The following SLC6A17 variants were observed in gnomAD, a reference collection of about 807,000 sequenced individuals.
The protein encoded by SLC6A17 is solute carrier family 6 member 17.
SLC6A17 carries 21 observed loss-of-function variants against 64.5 expected under a neutral mutation model. That is an observed-to-expected ratio of 0.33 (90% confidence interval 0.23 to 0.47). The LOEUF (loss-of-function observed/expected upper bound fraction) is 0.47. Ranked by LOEUF, SLC6A17 falls within the 20% of genes least tolerant of loss-of-function variation. SLC6A17 has a pLI of 1.00. For synonymous variants in SLC6A17, 372 were observed against 399.5 expected (o/e 0.93, Z 0.82); for missense variants, 682 against 963.2 (o/e 0.71, Z 3.86).
At chr1:110,173,278 C>T (rs776997734) in intron 3 of SLC6A17, among the ~76,000 whole-genome samples, 2 of 152,316 alleles carry the variant, frequency 1.3e-5, no homozygotes, top group African/African-American at 2.4e-5. Flanking sequence ...CTCACACTGG[C>T]GCCAGTCTCA....
At position 110,198,443 on chromosome 1, in the gene SLC6A17, G is replaced by T; in HGVS notation, c.2183G>T (p.Ter728LeuextTer25). Residue 728 changes from the stop codon to leucine, a stop_lost, in exon 12 of 12, where the codon TGA (stop) becomes TTA (leucine). Coordinates refer to ENST00000331565, the MANE Select transcript of SLC6A17 (RefSeq NM_001010898.4). ...LLASTPESEL[*>L] is the part of the protein sequence containing the mutation. ...GCCAGCACCCCTGAGTCGGAGCTGT[G>T]ACCACTGCCCAAGCCCTGCCCGCCT... 2 of 1,602,660 alleles carry T rather than the reference G, an allele frequency of 1.2e-6. No individual in the cohort carries two copies. Among genetic ancestry groups the T allele is most frequent in the South Asian group, 1.1e-5 (1 of 89,442 alleles).
Position 110,188,167 on chromosome 1 carries a change from T to C in SLC6A17, c.865-3805T>C, listed in dbSNP as rs143543023. Among the ~76,000 whole-genome samples, 266 of 152,336 alleles carry C rather than the reference T, an allele frequency of 1.7e-3. 1 individual carries two copies. Among genetic ancestry groups the C allele is most frequent in the African/African-American group, 5.9e-3 (245 of 41,584 alleles). ...CTGCTGGGGGTGATATGTAATTAAG[T>C]AGCATATGCATCACATTACCTTTCT... On this transcript the variant is annotated intron_variant, in intron 6 of 11. Transcript: ENST00000331565.
chr1:110,169,156 A>G (rs1466183464), intron 2 of SLC6A17, among the ~76,000 whole-genome samples: 1 of 152,224 alleles, frequency 6.6e-6, no homozygotes, highest in African/African-American at 2.4e-5. Flanking sequence ...TTTGAGCCAT[A>G]GTCGATGTAA....
At chr1:110,189,138 C>A (rs1345994819) in intron 6 of SLC6A17, among the ~76,000 whole-genome samples, 1 of 152,238 alleles carries the variant, frequency 6.6e-6, no homozygotes, top group Non-Finnish European at 1.5e-5. Context: ...GCCAGCACAC[C>A]TGCTACTCAG....
At chr1:110,179,986 G>C (rs1437552492) in intron 6 of SLC6A17, among the ~76,000 whole-genome samples, 1 of 152,158 alleles carries the variant, frequency 6.6e-6, no homozygotes, top group Non-Finnish European at 1.5e-5. Context: ...GGTGGCGTGT[G>C]CCTGTAATTT....
Position 110,198,491 on chromosome 1 carries a change from C to T in SLC6A17, c.*47C>T. On this transcript the variant is annotated 3_prime_UTR_variant, in exon 12 of 12. Coordinates refer to ENST00000331565, the MANE Select transcript of SLC6A17 (RefSeq NM_001010898.4). The stretch of plus-strand genomic sequence containing the variant: ...CCTCTCCCCCCACGCTCAACCTGCC[C>T]ACTTGTCCAGGCCTGGCCTCTTTCT... 1.3e-6 allele frequency: 2 copies of T among 1,567,478 alleles called. No individual in the cohort carries two copies. The highest frequency in any genetic ancestry group is 2.2e-5 in the East Asian group (1 of 44,524).
At chr1:110,173,910 G>A in intron 3 of SLC6A17, 63 bp from the exon 4 acceptor site, 17 of 1,532,624 alleles carry the variant, frequency 1.1e-5, no homozygotes, top group Admixed American at 7.7e-5. Flanking sequence ...GCCTCGGGTG[G>A]AGCGTGGGGG....
Position 110,172,226 on chromosome 1 carries a change from A to G in SLC6A17, c.444+9A>G. 6.4e-7 allele frequency: 1 copy of G among 1,573,280 alleles called. No homozygotes were observed. The highest frequency in any genetic ancestry group is 8.6e-7 in the Non-Finnish European group (1 of 1,161,398). ...GCTTCTCCAGCTGCATAGTGAGTCA[A>G]GGGCTGGGGCAGGCACTGAGTGGGA... On this transcript the variant is annotated intron_variant, in intron 3 of 11. Transcript: ENST00000331565.
Position 110,198,159 on chromosome 1 carries a change from T to C in SLC6A17, c.1899T>C (p.Pro633=). Residue 633 remains proline (P), a synonymous_variant, in exon 12 of 12, where the codon CCT becomes CCC. Transcript: ENST00000331565. The part of the protein sequence containing the change: ...TLIVVATLPI[P]VVFVLRHFHL... The stretch of plus-strand genomic sequence containing the variant: ...TCGTCGTGGCGACGCTGCCCATCCC[T>C]GTGGTGTTCGTCCTGCGGCACTTCC... 8 of 1,614,076 alleles carry C rather than the reference T, an allele frequency of 5.0e-6. No homozygotes were observed. Among genetic ancestry groups the C allele is most frequent in the Non-Finnish European group, 6.8e-6 (8 of 1,179,972 alleles).
At chr1:110,176,842 C>A in intron 6 of SLC6A17, 103 bp downstream of exon 6, 1 of 1,005,806 alleles carries the variant, frequency 9.9e-7, no homozygotes, top group Admixed American at 2.0e-5. Context: ...CGAACACCTG[C>A]TATGTGTTGG....
intron 6 of SLC6A17, among the ~76,000 whole-genome samples, chr1:110,181,755 G>A (rs1451386515): frequency 6.6e-6 from 1 of 151,180 alleles, no homozygotes; most frequent in Admixed American, 6.6e-5. Context: ...TGGATATTTA[G>A]AAGTAATGCA....
intron 1 of SLC6A17, among the ~76,000 whole-genome samples, chr1:110,158,605 A>G (rs950148532): frequency 2.0e-5 from 3 of 152,256 alleles, no homozygotes; most frequent in African/African-American, 7.2e-5. Flanking sequence ...GAGGTGTAGC[A>G]TCCTTCATCC....
intron 6 of SLC6A17, among the ~76,000 whole-genome samples, chr1:110,187,875 T>C (rs1434024086): frequency 6.6e-6 from 1 of 152,250 alleles, no homozygotes; most frequent in African/African-American, 2.4e-5. Flanking sequence ...GGAACTATGA[T>C]TGTTTTCTTC....
intron 11 of SLC6A17, 120 bp from the exon 12 acceptor site, chr1:110,197,956 A>G: frequency 6.8e-7 from 1 of 1,478,076 alleles, no homozygotes; most frequent in East Asian, 2.3e-5. Flanking sequence ...CCTGGCCAGG[A>G]TGGTGGGAGG....
rs1656844299 is a variant in SLC6A17, at chr1:110,192,175, C to T, written c.1068C>T (p.Gly356=). 6.2e-7 allele frequency: 1 copy of T among 1,613,794 alleles called. No homozygotes were observed. Among genetic ancestry groups the T allele is most frequent in the Non-Finnish European group, 8.5e-7 (1 of 1,179,802 alleles). ...CCCTCGTGGTGTTTGCTGTGCTGGG[C>T]TTCAAGGCCAACATCATGAATGAGA... ...LATLVVFAVL[G]FKANIMNEKC... Residue 356 remains glycine, a synonymous_variant, in exon 7 of 12, where the codon GGC becomes GGT. Coordinates refer to ENST00000331565, the MANE Select transcript of SLC6A17 (RefSeq NM_001010898.4). This position sits in a 1 kb window ranked among gnomAD's most constrained non-coding sequence, Gnocchi z 4.3.
rs1327469022 is a variant in SLC6A17, at chr1:110,183,734, G to A, written c.864+6995G>A. Among the ~76,000 whole-genome samples, 6 of 152,186 alleles carry A rather than the reference G, an allele frequency of 3.9e-5. No individual in the cohort carries two copies. In the East Asian group the frequency reaches 9.6e-4, roughly 24 times the overall value. On this transcript the variant is annotated intron_variant, in intron 6 of 11. Coordinates refer to ENST00000331565, the MANE Select transcript of SLC6A17 (RefSeq NM_001010898.4). ...CACACAGTCCCCATAGTAGCAGGAG[G>A]GAAAGGCTGGGCCACGGCGCATGGA...
chr1:110,180,130 C>T (rs1048124952), intron 6 of SLC6A17, among the ~76,000 whole-genome samples: 1 of 152,098 alleles, frequency 6.6e-6, no homozygotes, highest in African/African-American at 2.4e-5. Context: ...GTGACTCTCC[C>T]GAAGCTACAC....
Position 110,198,494 on chromosome 1 carries a change from T to C in SLC6A17, c.*50T>C. 6.4e-7 allele frequency: 1 copy of C among 1,565,496 alleles called. No individual in the cohort carries two copies. The highest frequency in any genetic ancestry group is 8.7e-7 in the Non-Finnish European group (1 of 1,155,576). ...CTCCCCCCACGCTCAACCTGCCCAC[T>C]TGTCCAGGCCTGGCCTCTTTCTTGA... is the stretch of plus-strand genomic sequence containing the variant. On this transcript the variant is annotated 3_prime_UTR_variant, in exon 12 of 12. Transcript: ENST00000331565.
chr1:110,194,820 GACA>G (rs757070988), intron 9 of SLC6A17, 49 bp downstream of exon 9: 11 of 1,601,650 alleles, frequency 6.9e-6, no homozygotes, highest in Non-Finnish European at 9.3e-6. Context: ...TGCCCTTGTG[GACA>G]ACAATTCCGT....
Sources: allele counts gnomAD v4.1 joint callset (sites outside exome capture counted in the v4.1 genomes callset), GRCh38; gene constraint gnomAD v4.1.1; non-coding constraint Gnocchi (gnomAD v3.1); transcripts MANE v1.5; gene names NCBI Gene and HGNC (gene_info 2026-07-23, HGNC 2026-07-21).